The following DTHD1 variants were observed in gnomAD, a reference collection of about 807,000 sequenced individuals.
The protein encoded by DTHD1 is death domain containing 1, also known as death domain-containing protein 1.
A neutral mutation model predicts 74.8 loss-of-function variants in DTHD1; 59 were observed. That is an observed-to-expected ratio of 0.79 (90% CI 0.64 to 0.98). The LOEUF (loss-of-function observed/expected upper bound fraction) is 0.98, where lower values mean the gene tolerates loss of function less well. DTHD1 is among the 50% of genes least tolerant of loss of function. The pLI is 0.00. For missense variants in DTHD1, 1,051 were observed against 1,065.4 expected, an observed-to-expected ratio of 0.99 and a Z score of 0.19; for synonymous variants, 365 against 371.1, an observed-to-expected ratio of 0.98 and a Z score of 0.19.
At chr4:36,324,162 C>T (rs1274984786) in intron 8 of DTHD1, among the ~76,000 whole-genome samples, 1 of 151,714 alleles carries the variant, frequency 6.6e-6, no homozygotes, top group East Asian at 1.9e-4. Context: ...TCTCTTGTTC[C>T]CTTTCCCTTT....
In DTHD1 at chr4:36,284,393, A is replaced by C. The variant is rs116402730; in HGVS notation, c.689A>C (p.Glu230Ala). 40,238 of 1,537,164 alleles carry C rather than the reference A, an allele frequency of 0.026. 661 individuals carry two copies. Among genetic ancestry groups the C allele is most frequent in the Non-Finnish European group, 0.031 (35,738 of 1,146,836 alleles). ...AAACAAATAGAACACATGACTGTTG[A>C]GAACATAAATGGCAACAGGGAAGAG... ...DDKQIEHMTV[E>A]NINGNREETH... is the part of the protein sequence containing the mutation. The change falls in exon 2 of 10, where the codon GAG becomes GCG. Residue 230 changes from glutamate to alanine, a missense_variant. Glu to Ala is a moderately radical substitution (Grantham distance 107). Transcript: ENST00000639862.
intron 9 of DTHD1, among the ~76,000 whole-genome samples, chr4:36,340,657 A>G (rs1759265190): frequency 6.6e-6 from 1 of 152,214 alleles, no homozygotes; most frequent in Admixed American, 6.5e-5. Context: ...TGGCTGTAGA[A>G]TACACTGATA....
At chr4:36,283,285 T>G (rs1755504266) in intron 1 of DTHD1, among the ~76,000 whole-genome samples, 1 of 152,156 alleles carries the variant, frequency 6.6e-6, no homozygotes, top group Non-Finnish European at 1.5e-5. Flanking sequence ...TGCTAAGAGT[T>G]TACTTCAGAG....
intron 3 of DTHD1, among the ~76,000 whole-genome samples, chr4:36,292,756 T>C (rs1756159266): frequency 6.6e-6 from 1 of 152,230 alleles, no homozygotes; most frequent in South Asian, 2.1e-4. Flanking sequence ...CCACGCATGC[T>C]GGGGCAGAGC....
rs776907919 is a variant in DTHD1 at position 36,343,692 on chromosome 4, C to A, written c.2589C>A (p.Thr863=). 6.4e-7 allele frequency: 1 copy of A among 1,551,672 alleles called. No individual in the cohort carries two copies. Among genetic ancestry groups the A allele is most frequent in the Admixed American group, 2.0e-5 (1 of 50,998 alleles). Residue 863 remains threonine, a synonymous_variant, in exon 10 of 10, where the codon ACC becomes ACA. Transcript: ENST00000639862. ...CFWKKSLPTF[T]DKLRLLARHL... is the part of the protein sequence containing the mutation. ...GGAAAAAATCGCTTCCAACTTTCAC[C>A]GACAAACTTCGCCTCCTGGCTCGAC...
chr4:36,344,922 C>T lies in DTHD1; in HGVS notation c.*1098C>T, dbSNP rs1759513144. On this transcript the variant is annotated 3_prime_UTR_variant, in exon 10 of 10. Coordinates refer to ENST00000639862, the MANE Select transcript of DTHD1 (RefSeq NM_001170700.3). ...ACTTGATGTCGGTGGTAGTAACTCA[C>T]TTTAAAAAAACCTTTCTAAGCTCGA... 1 of 152,056 alleles carries T rather than the reference C, an allele frequency of 6.6e-6. No individual in the cohort carries two copies. Among genetic ancestry groups the T allele is most frequent in the Non-Finnish European group, 1.5e-5 (1 of 68,000 alleles). 9.4% of individuals were successfully genotyped at this position (152,056 alleles called of 1,614,324 possible). A position where few individuals can be genotyped will look rare whatever the true frequency, so the allele number is the denominator to read the frequency against.
At chr4:36,296,777 T>C (rs1366161464) in intron 5 of DTHD1, among the ~76,000 whole-genome samples, 12 of 152,136 alleles carry the variant, frequency 7.9e-5, no homozygotes, top group Admixed American at 7.9e-4. Flanking sequence ...TTAGTGCTTT[T>C]TCCAATCTGC....
intron 8 of DTHD1, among the ~76,000 whole-genome samples, chr4:36,323,048 A>G (rs1022236301): frequency 2.0e-5 from 3 of 152,188 alleles, no homozygotes; most frequent in Admixed American, 2.0e-4. Flanking sequence ...GTTTTGAAGG[A>G]AAGAAGGGCT....
At chr4:36,294,187 T>TA (rs2109462775) in intron 4 of DTHD1, among the ~76,000 whole-genome samples, 1 of 152,182 alleles carries the variant, frequency 6.6e-6, no homozygotes, top group South Asian at 2.1e-4. Context: ...AAAGGGCATG[T>TA]AAATGTATAT....
At chr4:36,316,617 G>T in intron 8 of DTHD1, 131 bp downstream of exon 8, 2 of 906,500 alleles carry the variant, frequency 2.2e-6, no homozygotes, top group Non-Finnish European at 3.2e-6. Flanking sequence ...TAAAGAAGGA[G>T]TAGGTAGGTC....
Position 36,316,385 on chromosome 4 carries a change from G to T in DTHD1, c.2239G>T (p.Val747Leu). 1 of 1,552,112 alleles carries T rather than the reference G, an allele frequency of 6.4e-7. No homozygotes were observed. Among genetic ancestry groups the T allele is most frequent in the Non-Finnish European group, 8.7e-7 (1 of 1,147,084 alleles). ...HYKGTIVVYK[V>L]PKGKIVPNLN... Reference sequence around the variant, plus strand: ...CAAAGGCACCATTGTCGTTTATAAAGTACCTAAAGGAAAGATAGTCCCCAA... The same window carrying T: ...CAAAGGCACCATTGTCGTTTATAAATTACCTAAAGGAAAGATAGTCCCCAA... Residue 747 changes from valine to leucine, a missense_variant, in exon 8 of 10, where the codon GTA becomes TTA. By Grantham distance (32) the Val-to-Leu change is conservative. Coordinates refer to ENST00000639862, the MANE Select transcript of DTHD1 (RefSeq NM_001170700.3).
chr4:36,305,535 G>A (rs575573149), intron 5 of DTHD1, among the ~76,000 whole-genome samples: 3 of 152,266 alleles, frequency 2.0e-5, no homozygotes, highest in East Asian at 1.9e-4. Context: ...ATCGCAACAC[G>A]TGGGAATTAT....
At chr4:36,303,372 T>C (rs1021085661) in intron 5 of DTHD1, among the ~76,000 whole-genome samples, 2 of 152,340 alleles carry the variant, frequency 1.3e-5, no homozygotes, top group South Asian at 4.1e-4. Flanking sequence ...AGGACTCTTT[T>C]GATTTAAGTG....
intron 8 of DTHD1, among the ~76,000 whole-genome samples, chr4:36,331,515 C>T (rs1442168156): frequency 6.6e-6 from 1 of 152,098 alleles, no homozygotes; most frequent in African/African-American, 2.4e-5. Context: ...CTTTCTTAGT[C>T]TATTGTTAAT....
chr4:36,343,608 C>A lies in DTHD1; in HGVS notation c.2505C>A (p.Leu835=), dbSNP rs1759442037. 1 of 1,551,654 alleles carries A rather than the reference C, an allele frequency of 6.4e-7. No homozygotes were observed. Among genetic ancestry groups the A allele is most frequent in the South Asian group, 1.2e-5 (1 of 84,062 alleles). The change falls in exon 10 of 10, where the codon CTC becomes CTA. Residue 835 remains leucine, a synonymous_variant. Coordinates refer to ENST00000639862, the MANE Select transcript of DTHD1 (RefSeq NM_001170700.3). ...CTCTGCGCCGTAGCACCATTCAGCT[C>A]ATCAAACTCAAGAACCCTGATGATC... The part of the protein sequence containing the change: ...TLPLRRSTIQ[L]IKLKNPDDLT...
Position 36,346,070 on chromosome 4 carries a change from C to A in DTHD1, c.*2246C>A, listed in dbSNP as rs1455700419. ...GCACACCCAGCTCCCAACTCTCTCACAGAAACACACCTATTCACATACATA... is the reference window on the plus strand; with the variant it reads ...GCACACCCAGCTCCCAACTCTCTCAAAGAAACACACCTATTCACATACATA... On this transcript the variant is annotated 3_prime_UTR_variant, in exon 10 of 10. Coordinates refer to ENST00000639862, the MANE Select transcript of DTHD1 (RefSeq NM_001170700.3). Among the ~76,000 whole-genome samples, 2 of 151,970 alleles carry A rather than the reference C, an allele frequency of 1.3e-5. No individual in the cohort carries two copies. The highest frequency in any genetic ancestry group is 2.9e-5 in the Non-Finnish European group (2 of 67,954).
At chr4:36,337,351 C>T (rs1050192230) in intron 8 of DTHD1, among the ~76,000 whole-genome samples, 17 of 152,094 alleles carry the variant, frequency 1.1e-4, no homozygotes, top group African/African-American at 4.1e-4. Context: ...ATTGCAATTT[C>T]ATGTGCATGA....
chr4:36,298,606 T>C (rs540008323), intron 5 of DTHD1, among the ~76,000 whole-genome samples: 1 of 152,260 alleles, frequency 6.6e-6, no homozygotes, highest in South Asian at 2.1e-4. Flanking sequence ...ATACCCCATG[T>C]AATGAAAAAG....
At chr4:36,319,308 T>C (rs1173224607) in intron 8 of DTHD1, among the ~76,000 whole-genome samples, 1 of 152,074 alleles carries the variant, frequency 6.6e-6, no homozygotes, top group Non-Finnish European at 1.5e-5. Context: ...TAAGGGGAGG[T>C]CTATAGCTGT....
Sources: allele counts gnomAD v4.1 joint callset (sites outside exome capture counted in the v4.1 genomes callset), GRCh38; gene constraint gnomAD v4.1.1; transcripts MANE v1.5; gene names NCBI Gene and HGNC (gene_info 2026-07-23, HGNC 2026-07-21).